CABLES1: variants seen among roughly 807,000 people sequenced by gnomAD.
CABLES1 encodes Cdk5 and Abl enzyme substrate 1, also known as CDK5 and ABL1 enzyme substrate 1.
In CABLES1, 36 loss-of-function variants were observed where a neutral mutation model predicts 57.8. The observed-to-expected ratio is 0.62, with a 90% confidence interval of 0.48 to 0.82. The LOEUF (loss-of-function observed/expected upper bound fraction) is 0.82. Ranked by LOEUF, CABLES1 falls within the 40% of genes least tolerant of loss-of-function variation. CABLES1 has a pLI of 0.00. For missense variants in CABLES1, 767 were observed against 836.6 expected, an observed-to-expected ratio of 0.92 and a Z score of 1.03; for synonymous variants, 374 against 363.0, an observed-to-expected ratio of 1.03 and a Z score of -0.35.
At chr18:23,193,481 C>G (rs945977329) in intron 2 of CABLES1, among the ~76,000 whole-genome samples, 1 of 78 alleles carries the variant, frequency 0.013, no homozygotes, top group African/African-American at 0.071. Flanking sequence ...CGTGAGCCAC[C>G]ACGCCCCAGC....
At chr18:23,171,584 C>T (rs1025779964) in intron 1 of CABLES1, among the ~76,000 whole-genome samples, 18 of 152,168 alleles carry the variant, frequency 1.2e-4, no homozygotes, top group African/African-American at 4.1e-4. Context: ...GGTATTTCTC[C>T]TTGAGATCTT....
chr18:23,253,493 CAAA>C (rs1194045852), intron 8 of CABLES1, among the ~76,000 whole-genome samples: 4 of 151,984 alleles, frequency 2.6e-5, no homozygotes, highest in Non-Finnish European at 5.9e-5. Flanking sequence ...AAAAGAAAAA[CAAA>C]AAAAGTAAAC....
At chr18:23,154,317 T>C (rs950386426) in intron 1 of CABLES1, among the ~76,000 whole-genome samples, 12 of 152,198 alleles carry the variant, frequency 7.9e-5, no homozygotes, top group African/African-American at 2.9e-4. Flanking sequence ...AAATTAAGGC[T>C]GAGGTGCAGT....
At chr18:23,155,693 C>A in intron 1 of CABLES1, 1 of 697,778 alleles carries the variant, frequency 1.4e-6, no homozygotes, top group Non-Finnish European at 2.2e-6. Context: ...GCGGCAGGAC[C>A]TCATGTGGTC....
intron 5 of CABLES1, among the ~76,000 whole-genome samples, chr18:23,235,648 C>T (rs117025081): frequency 0.059 from 9,028 of 152,292 alleles, 359 homozygotes; most frequent in Non-Finnish European, 0.091. Context: ...CACATTTCTT[C>T]CATGTAATAG....
chr18:23,201,249 G>T (rs1230473661), intron 3 of CABLES1, among the ~76,000 whole-genome samples: 1 of 152,190 alleles, frequency 6.6e-6, no homozygotes, highest in Non-Finnish European at 1.5e-5. Flanking sequence ...TTCCACCCCA[G>T]GCTCACAATG....
At chr18:23,141,535 T>TAAGCA (rs1267853254) in intron 1 of CABLES1, among the ~76,000 whole-genome samples, 2 of 152,232 alleles carry the variant, frequency 1.3e-5, no homozygotes, top group African/African-American at 4.8e-5. Context: ...ATCTCAGCAG[T>TAAGCA]AAGCAAACAC....
At chr18:23,172,446 C>A (rs1390102257) in intron 1 of CABLES1, among the ~76,000 whole-genome samples, 3 of 152,156 alleles carry the variant, frequency 2.0e-5, no homozygotes, top group Non-Finnish European at 2.9e-5. Context: ...GTCGAGAGAT[C>A]CCAGTTGAAG....
intron 4 of CABLES1, among the ~76,000 whole-genome samples, chr18:23,220,041 C>T (rs554181482): frequency 8.5e-5 from 13 of 152,086 alleles, no homozygotes; most frequent in South Asian, 4.2e-4. Context: ...TGTTTGGGGT[C>T]GTTTTGCATG....
intron 9 of CABLES1, among the ~76,000 whole-genome samples, chr18:23,254,546 T>A (rs913542665): frequency 6.6e-6 from 1 of 152,202 alleles, no homozygotes; most frequent in Non-Finnish European, 1.5e-5. Context: ...AGAGGAGTAG[T>A]ATCTTGGCTG....
chr18:23,175,629 G>A (rs2047117983), intron 1 of CABLES1, among the ~76,000 whole-genome samples: 3 of 152,234 alleles, frequency 2.0e-5, no homozygotes, highest in African/African-American at 4.8e-5. Context: ...CATAGTTTTT[G>A]TAGAAATGGG....
intron 1 of CABLES1, among the ~76,000 whole-genome samples, chr18:23,167,421 T>C (rs2047050625): frequency 6.6e-6 from 1 of 152,182 alleles, no homozygotes; most frequent in African/African-American, 2.4e-5. Flanking sequence ...CTTTTTGCAG[T>C]TTCATTAGCT....
Position 23,203,471 on chromosome 18 carries a change from AAG to A in CABLES1, c.1010+8933_1010+8934del, listed in dbSNP as rs1246366597. ...AATAGGATATGTTAAAAAAAAAAAA[AAG>A]AAAGAAACACGTTAAAAGACTTCAG... On this transcript the variant is annotated intron_variant, in intron 3 of 9. Coordinates refer to ENST00000256925, the MANE Select transcript of CABLES1 (RefSeq NM_001100619.3). Among the ~76,000 whole-genome samples the A allele has an allele frequency of 2.0e-5, 3 of 149,774 alleles. No homozygotes were observed. In the East Asian group the frequency reaches 5.9e-4, roughly 29 times the overall value.
intron 1 of CABLES1, among the ~76,000 whole-genome samples, chr18:23,139,295 C>T (rs1343470421): frequency 6.7e-6 from 1 of 149,052 alleles, no homozygotes; most frequent in Non-Finnish European, 1.5e-5. Flanking sequence ...CCCAGCTACT[C>T]GGGAGGCTGA....
intron 9 of CABLES1, among the ~76,000 whole-genome samples, chr18:23,256,563 C>T (rs1423888653): frequency 6.6e-6 from 1 of 152,192 alleles, no homozygotes; most frequent in Non-Finnish European, 1.5e-5. Flanking sequence ...TCACTGCAAC[C>T]TCCACCTCCC....
At position 23,246,108 on chromosome 18, in the gene CABLES1, G is replaced by A. The variant is rs1424500555; in HGVS notation, c.1447-6852G>A. On this transcript the variant is annotated intron_variant, in intron 7 of 9. Transcript: ENST00000256925. ...GTGTAACCCTGTCTCTACTAAAAAT[G>A]CAAAAATTAGCCGGGTGTGGTGGTG... Among the ~76,000 whole-genome samples the A allele has an allele frequency of 3.3e-5, 5 of 151,986 alleles. No homozygotes were observed. In the East Asian group the frequency reaches 9.7e-4, roughly 30 times the overall value.
chr18:23,196,330 C>CG (rs889686385), intron 3 of CABLES1, among the ~76,000 whole-genome samples: 2 of 152,028 alleles, frequency 1.3e-5, no homozygotes, highest in Admixed American at 6.5e-5. Context: ...GAGGCCACGG[C>CG]GGGTCGTATG....
At chr18:23,157,266 C>G (rs1316611274) in intron 1 of CABLES1, among the ~76,000 whole-genome samples, 2 of 152,174 alleles carry the variant, frequency 1.3e-5, no homozygotes, top group East Asian at 3.9e-4. Context: ...AATAATTTAG[C>G]AGGTCGGCAA....
At chr18:23,237,077 C>G (rs2047623293) in intron 6 of CABLES1, 65 bp from the exon 7 acceptor site, 1 of 944,640 alleles carries the variant, frequency 1.1e-6, no homozygotes, top group Non-Finnish European at 1.8e-6. Flanking sequence ...ATTCTCCTGG[C>G]TGTCTCTGCT....
Sources: allele counts gnomAD v4.1 joint callset (sites outside exome capture counted in the v4.1 genomes callset), GRCh38; gene constraint gnomAD v4.1.1; transcripts MANE v1.5; gene names NCBI Gene and HGNC (gene_info 2026-07-23, HGNC 2026-07-21).